TMEM135: variants seen among roughly 807,000 people sequenced by gnomAD.
TMEM135 encodes peroxisomal membrane protein 52.
Under a neutral mutation model 60.3 loss-of-function variants are expected in TMEM135, and 30 were observed. That is an observed-to-expected ratio of 0.50 (90% confidence interval 0.37 to 0.68). The LOEUF (loss-of-function observed/expected upper bound fraction) is 0.68, where lower values mean the gene tolerates loss of function less well. Among genes scored for constraint, TMEM135 ranks in the 30% least tolerant of loss-of-function variants. The probability of loss-of-function intolerance (pLI) is 0.00; values close to 1 mark genes in which losing one functional copy is unlikely to be tolerated. For missense variants in TMEM135, 468 were observed against 548.8 expected, an observed-to-expected ratio of 0.85 and a Z score of 1.47; for synonymous variants, 190 against 186.7, an observed-to-expected ratio of 1.02 and a Z score of -0.14.
At chr11:87,129,474 C>A (rs59681376) in intron 4 of TMEM135, among the ~76,000 whole-genome samples, 3,806 of 151,298 alleles carry the variant, frequency 0.025, 155 homozygotes, top group African/African-American at 0.087. Context: ...AACTCCTGAC[C>A]TCAGGTAATC....
intron 5 of TMEM135, among the ~76,000 whole-genome samples, chr11:87,162,043 C>A (rs1938894682): frequency 1.3e-5 from 2 of 151,982 alleles, no homozygotes; most frequent in South Asian, 4.2e-4. Flanking sequence ...AAAACATGCA[C>A]AACAATTAGG....
chr11:87,252,742 G>A (rs1369806142), intron 6 of TMEM135, among the ~76,000 whole-genome samples: 2 of 148,530 alleles, frequency 1.3e-5, no homozygotes, highest in Non-Finnish European at 3.0e-5. Flanking sequence ...TTGCACTCCA[G>A]CCTGGGCAAC....
intron 5 of TMEM135, among the ~76,000 whole-genome samples, chr11:87,165,799 G>C (rs994971254): frequency 2.3e-4 from 35 of 150,248 alleles, no homozygotes; most frequent in African/African-American, 8.7e-4. Context: ...AATGAATCCA[G>C]GAGCTGTTTT....
At chr11:87,066,867 G>A (rs1440817273) in intron 1 of TMEM135, among the ~76,000 whole-genome samples, 2 of 144,816 alleles carry the variant, frequency 1.4e-5, no homozygotes, top group Non-Finnish European at 3.0e-5. Flanking sequence ...TGCAACCTCC[G>A]CCTCCCGGGT....
rs1219107731 is a variant in TMEM135 at position 87,068,655 on chromosome 11, CA to C, written c.269+840del. Among the ~76,000 whole-genome samples the C allele has an allele frequency of 2.8e-4, 42 of 151,700 alleles. 1 individual carries two copies. The highest frequency in any genetic ancestry group is 8.9e-4 in the African/African-American group (37 of 41,384). ...GAAACCCCGTCTCTACTAAAAAGTA[CA>C]AAAAATTAGCCGGGCGTGGTGGTGG... On this transcript the variant is annotated intron_variant, in intron 2 of 14. Coordinates refer to ENST00000305494, the MANE Select transcript of TMEM135 (RefSeq NM_022918.4).
At position 87,203,134 on chromosome 11, in the gene TMEM135, A is replaced by G. The variant is rs556120639; in HGVS notation, c.463-33504A>G. Among the ~76,000 whole-genome samples the G allele has an allele frequency of 4.0e-5, 6 of 151,270 alleles. No homozygotes were observed. The South Asian group carries it at 1.3e-3, about 32-fold the overall frequency. On this transcript the variant is annotated intron_variant, in intron 5 of 14. Transcript: ENST00000305494. ...ACCCAATGGCCCCACACACATTCATACCCTCCCCCATTATTAACATCCCGC... is the reference window on the plus strand; with the variant it reads ...ACCCAATGGCCCCACACACATTCATGCCCTCCCCCATTATTAACATCCCGC...
chr11:87,228,008 G>C (rs939075875), intron 5 of TMEM135, among the ~76,000 whole-genome samples: 1 of 152,148 alleles, frequency 6.6e-6, no homozygotes, highest in Non-Finnish European at 1.5e-5. Flanking sequence ...AAGTAAGTAA[G>C]AGTTATAAAG....
At chr11:87,239,754 T>A (rs2135377417) in intron 6 of TMEM135, among the ~76,000 whole-genome samples, 1 of 143,890 alleles carries the variant, frequency 6.9e-6, no homozygotes, top group East Asian at 2.4e-4. Flanking sequence ...TATGCCAGTT[T>A]TTTTTTTTTC....
chr11:87,280,752 ACCTG>A (rs1942046575), intron 6 of TMEM135, among the ~76,000 whole-genome samples: 1 of 152,038 alleles, frequency 6.6e-6, no homozygotes, highest in Admixed American at 6.6e-5. Context: ...AGCACTTGCA[ACCTG>A]CCTGGCACAT....
chr11:87,269,069 T>C (rs1941809081), intron 6 of TMEM135, among the ~76,000 whole-genome samples: 1 of 151,778 alleles, frequency 6.6e-6, no homozygotes, highest in Admixed American at 6.6e-5. Flanking sequence ...TGGCTAGTTT[T>C]TTTTTTTTGA....
At chr11:87,082,921 T>G (rs1050211284) in intron 3 of TMEM135, among the ~76,000 whole-genome samples, 2 of 152,216 alleles carry the variant, frequency 1.3e-5, no homozygotes, top group African/African-American at 4.8e-5. Context: ...TAATCAGTTT[T>G]TCAAAAAGTA....
At chr11:87,231,071 GT>G (rs1279057852) in intron 5 of TMEM135, among the ~76,000 whole-genome samples, 1 of 152,056 alleles carries the variant, frequency 6.6e-6, no homozygotes, top group Non-Finnish European at 1.5e-5. Context: ...GTGCTCTACA[GT>G]TACCCAAGCT....
chr11:87,198,511 C>T (rs1356101814), intron 5 of TMEM135, among the ~76,000 whole-genome samples: 1 of 145,314 alleles, frequency 6.9e-6, no homozygotes, highest in East Asian at 2.1e-4. Flanking sequence ...TCCCTCTCCT[C>T]CCCGCTCTGT....
intron 4 of TMEM135, among the ~76,000 whole-genome samples, chr11:87,102,674 T>C (rs67946471): frequency 0.082 from 11,926 of 146,268 alleles, 541 homozygotes; most frequent in East Asian, 0.18. Flanking sequence ...TGTGATGTTT[T>C]GATATATATA....
chr11:87,303,927 A>G (rs75407696), intron 8 of TMEM135, among the ~76,000 whole-genome samples: 5,501 of 152,270 alleles, frequency 0.036, 95 homozygotes, highest in Admixed American at 0.046. Flanking sequence ...GCCTCAGTGG[A>G]TCTTCTGGTA....
At chr11:87,209,225 C>A (rs1185482831) in intron 5 of TMEM135, among the ~76,000 whole-genome samples, 1 of 152,072 alleles carries the variant, frequency 6.6e-6, no homozygotes, top group African/African-American at 2.4e-5. Context: ...TGTCAATGGG[C>A]TGAATGCCCC....
chr11:87,244,720 A>C (rs1419333510), intron 6 of TMEM135, among the ~76,000 whole-genome samples: 1 of 140,210 alleles, frequency 7.1e-6, no homozygotes, highest in East Asian at 2.0e-4. Flanking sequence ...TTTTTATTGC[A>C]TCTATTTGAT....
intron 5 of TMEM135, among the ~76,000 whole-genome samples, chr11:87,160,519 T>A (rs149044487): frequency 3.8e-4 from 58 of 152,310 alleles, no homozygotes; most frequent in African/African-American, 1.3e-3. Context: ...TTTGAACCCT[T>A]GTCTCCAAAG....
chr11:87,312,390 C>G (rs1443766311), intron 10 of TMEM135, among the ~76,000 whole-genome samples: 1 of 151,844 alleles, frequency 6.6e-6, no homozygotes, highest in Non-Finnish European at 1.5e-5. Context: ...TTGAATTTCT[C>G]CTTCCCATCC....
Sources: gnomAD v4.1 joint callset for allele counts (sites outside exome capture counted in the v4.1 genomes callset) on GRCh38, gnomAD v4.1.1 for gene constraint, MANE v1.5 for transcripts, NCBI Gene and HGNC (gene_info 2026-07-23, HGNC 2026-07-21) for gene names.